NRG1: variants seen among roughly 807,000 people sequenced by gnomAD.
NRG1 encodes the protein neuregulin 1, also known as pro-neuregulin-1, membrane-bound isoform.
NRG1 carries 18 observed loss-of-function variants against 63.8 expected under a neutral mutation model. That is an observed-to-expected ratio of 0.28 (90% CI 0.19 to 0.42). The LOEUF is 0.42. Ranked by LOEUF, NRG1 falls within the 10% of genes least tolerant of loss-of-function variation. The pLI, the probability that NRG1 is intolerant of heterozygous loss-of-function variation, is 1.00. For missense variants in NRG1, 762 were observed against 814.7 expected (o/e 0.94, Z 0.79); for synonymous variants, 302 against 301.3 (o/e 1.00, Z -0.02).
At chr8:31,755,789 C>T (rs1338450973) in intron 1 of NRG1, among the ~76,000 whole-genome samples, 1 of 152,124 alleles carries the variant, frequency 6.6e-6, no homozygotes, top group African/African-American at 2.4e-5. Context: ...TCCTACTCTG[C>T]ATTCTACCCC....
At chr8:31,772,417 G>T (rs1262600636) in intron 1 of NRG1, among the ~76,000 whole-genome samples, 2 of 152,176 alleles carry the variant, frequency 1.3e-5, no homozygotes, top group African/African-American at 4.8e-5. Context: ...ACATGCCTTT[G>T]CGGACAGATT....
intron 1 of NRG1, among the ~76,000 whole-genome samples, chr8:32,113,705 T>C (rs566036781): frequency 6.6e-6 from 1 of 152,332 alleles, no homozygotes; most frequent in South Asian, 2.1e-4. Flanking sequence ...TGCAATTCAT[T>C]TGTGAGTAAT....
intron 1 of NRG1, among the ~76,000 whole-genome samples, chr8:32,041,900 A>G (rs1820126710): frequency 2.0e-5 from 3 of 152,204 alleles, no homozygotes; most frequent in Admixed American, 2.0e-4. Flanking sequence ...TTGTACATGA[A>G]TATGTCTGGT....
intron 1 of NRG1, among the ~76,000 whole-genome samples, chr8:32,070,772 A>G (rs1253441380): frequency 2.0e-5 from 3 of 152,246 alleles, no homozygotes; most frequent in African/African-American, 4.8e-5. Context: ...TTTACAGCAT[A>G]TATCAGACCA....
chr8:31,670,989 ATTG>A (rs1807079780), intron 1 of NRG1, among the ~76,000 whole-genome samples: 1 of 152,096 alleles, frequency 6.6e-6, no homozygotes, highest in Non-Finnish European at 1.5e-5. Context: ...CCCAGTGTCT[ATTG>A]TTCCCATCTT....
chr8:31,889,410 CA>C, intron 1 of NRG1, among the ~76,000 whole-genome samples: 1 of 152,120 alleles, frequency 6.6e-6, no homozygotes, highest in African/African-American at 2.4e-5. Context: ...ACTCTCCCTT[CA>C]AACATCCCAT....
intron 1 of NRG1, among the ~76,000 whole-genome samples, chr8:32,290,359 A>G (rs151298827): frequency 6.6e-6 from 1 of 152,198 alleles, no homozygotes; most frequent in Non-Finnish European, 1.5e-5. Context: ...ATATACATAT[A>G]TATAGAGAGA....
chr8:31,733,354 CAAATGGTAGTTCTTT>C (rs1814314187), intron 1 of NRG1, among the ~76,000 whole-genome samples: 1 of 152,086 alleles, frequency 6.6e-6, no homozygotes, highest in Non-Finnish European at 1.5e-5. Flanking sequence ...AGTGCAGGAT[CAAATGGTAGTTCTTT>C]AAACTCTCTA....
intron 1 of NRG1, among the ~76,000 whole-genome samples, chr8:32,197,669 G>A (rs772583876): frequency 2.0e-5 from 3 of 152,178 alleles, no homozygotes; most frequent in Non-Finnish European, 2.9e-5. Context: ...CTTATTGTCC[G>A]ACTTTAAGCC....
chr8:31,868,976 G>A (rs1287240625), intron 1 of NRG1, among the ~76,000 whole-genome samples: 1 of 152,196 alleles, frequency 6.6e-6, no homozygotes, highest in Admixed American at 6.5e-5. Flanking sequence ...AAGAGAACTA[G>A]GGAAACTTCT....
intron 1 of NRG1, among the ~76,000 whole-genome samples, chr8:32,257,561 AT>A (rs34737616): frequency 0.42 from 63,690 of 151,638 alleles, 13,917 homozygotes; most frequent in Admixed American, 0.48. Flanking sequence ...GTAGCTGACG[AT>A]TTTTTTTTCT....
intron 1 of NRG1, among the ~76,000 whole-genome samples, chr8:31,754,740 C>G (rs1213618958): frequency 6.6e-6 from 1 of 152,032 alleles, no homozygotes; most frequent in Non-Finnish European, 1.5e-5. Context: ...GCCCCTGTAA[C>G]AAGTACTATG....
intron 3 of NRG1, among the ~76,000 whole-genome samples, chr8:32,607,133 A>G (rs942208586): frequency 2.6e-5 from 4 of 152,190 alleles, no homozygotes; most frequent in African/African-American, 9.6e-5. Flanking sequence ...TGTAAAAGCC[A>G]TTTAAAATTT....
At chr8:31,979,956 T>C (rs1169360378) in intron 1 of NRG1, among the ~76,000 whole-genome samples, 1 of 152,100 alleles carries the variant, frequency 6.6e-6, no homozygotes, top group Non-Finnish European at 1.5e-5. Context: ...TAATATAGTG[T>C]GCACTGTGTG....
chr8:32,666,496 A>G (rs1411786493), intron 5 of NRG1, among the ~76,000 whole-genome samples: 1 of 152,112 alleles, frequency 6.6e-6, no homozygotes, highest in Non-Finnish European at 1.5e-5. Flanking sequence ...AAGAGGGGGA[A>G]AAAAAAGAGC....
chr8:31,752,918 T>C (rs1816628497), intron 1 of NRG1, among the ~76,000 whole-genome samples: 1 of 152,078 alleles, frequency 6.6e-6, no homozygotes, highest in South Asian at 2.1e-4. Flanking sequence ...GAGTGGGCCA[T>C]AGTGAAAACC....
intron 1 of NRG1, among the ~76,000 whole-genome samples, chr8:32,246,309 C>T (rs1330195865): frequency 6.6e-6 from 1 of 152,130 alleles, no homozygotes; most frequent in Non-Finnish European, 1.5e-5. Context: ...CAAACAAAAG[C>T]TACAGTCATT....
At chr8:32,353,236 A>G (rs1029828335) in intron 1 of NRG1, among the ~76,000 whole-genome samples, 1 of 150,630 alleles carries the variant, frequency 6.6e-6, no homozygotes, top group Non-Finnish European at 1.5e-5. Flanking sequence ...TCAAAATAAC[A>G]ATTGTTATTA....
In NRG1 at chr8:32,603,452, A is replaced by G. The variant is rs566169714; in HGVS notation, c.279-2110A>G. ...TGTTACCTCATGTTTACCTGTTGAC[A>G]TCGAGTCCCGACTAGCGCAGTTAAC... is the stretch of plus-strand genomic sequence containing the variant. On this transcript the variant is annotated intron_variant, in intron 2 of 11. Coordinates refer to ENST00000356819, the Ensembl canonical transcript of NRG1. Among the ~76,000 whole-genome samples the G allele has an allele frequency of 1.0e-3, 155 of 152,172 alleles. 1 individual carries two copies. The highest frequency in any genetic ancestry group is 3.4e-3 in the Middle Eastern group (1 of 294).
Sources: allele counts gnomAD v4.1 joint callset (sites outside exome capture counted in the v4.1 genomes callset), GRCh38; gene constraint gnomAD v4.1.1; transcripts MANE v1.5; gene names NCBI Gene and HGNC (gene_info 2026-07-23, HGNC 2026-07-21).